The following BTN3A2 variants were observed in gnomAD, a reference collection of about 807,000 sequenced individuals.
BTN3A2 encodes butyrophilin protein.
In BTN3A2, 25 loss-of-function variants were observed where a neutral mutation model predicts 37.6. The ratio of observed to expected loss-of-function variants is 0.66; its 90% CI spans 0.48 to 0.93. The LOEUF is 0.93. Ranked by LOEUF, BTN3A2 falls within the 40% of genes least tolerant of loss-of-function variation. The pLI is 0.00. For missense variants in BTN3A2, 266 were observed against 410.9 expected (o/e 0.65, Z 3.05); for synonymous variants, 122 against 159.4 (o/e 0.77, Z 1.77).
Position 26,368,248 on chromosome 6 carries a change from G to A in BTN3A2, c.66G>A (p.Gln22=). The A allele has an allele frequency of 3.1e-6, 5 of 1,614,182 alleles. No individual in the cohort carries two copies. The highest frequency in any genetic ancestry group is 4.2e-6 in the Non-Finnish European group (5 of 1,180,038). ...TTCATGTCTCCCTCCTCTTGGTCCA[G>A]CTGCTCACTCCTTGCTCAGGTAGGG... ...LNFHVSLLLV[Q]LLTPCSAQFS... is the part of the protein sequence containing the mutation. Residue 22 remains glutamine (Q), a synonymous_variant, in exon 3 of 11, where the codon CAG becomes CAA. Transcript: ENST00000377708.
chr6:26,367,287 A>G (rs900994168), intron 1 of BTN3A2, among the ~76,000 whole-genome samples: 11 of 152,152 alleles, frequency 7.2e-5, no homozygotes, highest in Non-Finnish European at 1.3e-4. Flanking sequence ...CCACTTTTAT[A>G]CTTTAAAAAT....
chr6:26,369,611 C>A (rs1461026438), intron 4 of BTN3A2, among the ~76,000 whole-genome samples: 4 of 152,092 alleles, frequency 2.6e-5, no homozygotes, highest in African/African-American at 4.8e-5. Context: ...CAGGGTGAGA[C>A]AAAAGCTGTA....
chr6:26,373,482 C>G, intron 8 of BTN3A2, 69 bp downstream of exon 8: 1 of 1,547,448 alleles, frequency 6.5e-7, no homozygotes, highest in Admixed American at 2.0e-5. Context: ...ATTTTCCAGC[C>G]CATAAGTCAT....
chr6:26,375,561 C>T (rs1760637106), intron 10 of BTN3A2: 4 of 1,387,924 alleles, frequency 2.9e-6, no homozygotes, highest in African/African-American at 1.5e-5. Context: ...GACAAGGGAG[C>T]CCAGTGGCAC....
At chr6:26,370,274 C>T (rs759276772) in intron 4 of BTN3A2, 48 bp from the exon 5 acceptor site, 37 of 1,591,950 alleles carry the variant, frequency 2.3e-5, no homozygotes, top group Non-Finnish European at 2.8e-5. Flanking sequence ...TGAGACCCTC[C>T]CTAATACAGG....
In BTN3A2 at chr6:26,376,352, A is replaced by T. The variant is rs552010050; in HGVS notation, c.*590A>T. On this transcript the variant is annotated 3_prime_UTR_variant, in exon 11 of 11. Coordinates refer to ENST00000377708, the MANE Select transcript of BTN3A2 (RefSeq NM_007047.5). ...TTGCTTCTTGGGGCCGCATCAGGGTATTGGGTTAGGCAGATACTGACCTTA... is the reference window on the plus strand; with the variant it reads ...TTGCTTCTTGGGGCCGCATCAGGGTTTTGGGTTAGGCAGATACTGACCTTA... 6.0e-5 allele frequency: 16 copies of T among 267,154 alleles called. No homozygotes were observed. The East Asian group carries it at 1.3e-3, about 22-fold the overall frequency. 16.5% of individuals were successfully genotyped at this position (267,154 alleles called of 1,614,324 possible).
intron 8 of BTN3A2, chr6:26,374,046 C>G (rs9358937): frequency 0.098 from 37,974 of 386,398 alleles, 2,330 homozygotes; most frequent in Non-Finnish European, 0.12. Context: ...CCCAGGTACA[C>G]ATTCAAAACA....
At position 26,370,408 on chromosome 6, in the gene BTN3A2, C is replaced by T; in HGVS notation, c.520C>T (p.Gln174Ter). ...GTGCAGGTCCACCGGCTGGTACCCC[C>T]AACCCCAAATACAGTGGAGCAACGC... Reference protein sequence around the residue: ...LECRSTGWYPQPQIQWSNAKG... With the variant: ...LECRSTGWYP The change falls in exon 5 of 11, where the codon CAA (glutamine) becomes TAA (stop). Residue 174 changes from glutamine to a stop codon, truncating the protein, a stop_gained. Coordinates refer to ENST00000377708, the MANE Select transcript of BTN3A2 (RefSeq NM_007047.5). LOFTEE classifies it high-confidence loss of function. 6.2e-7 allele frequency: 1 copy of T among 1,614,176 alleles called. No homozygotes were observed. The highest frequency in any genetic ancestry group is 8.5e-7 in the Non-Finnish European group (1 of 1,180,034).
intron 1 of BTN3A2, among the ~76,000 whole-genome samples, chr6:26,366,859 T>C (rs1291856535): frequency 6.6e-6 from 1 of 152,236 alleles, no homozygotes; most frequent in Admixed American, 6.5e-5. Flanking sequence ...GAGGAGTTAG[T>C]ATTTACTGAG....
At position 26,365,200 on chromosome 6, in the gene BTN3A2, C is replaced by A; in HGVS notation, c.-219C>A. On this transcript the variant is annotated 5_prime_UTR_variant, in exon 1 of 11. Coordinates refer to ENST00000377708, the MANE Select transcript of BTN3A2 (RefSeq NM_007047.5). ...AAAAACTAATTCTTCCAAAGAGCGACTCTTACTGTTTCTCATGGTGAGAAG... is the reference window on the plus strand; with the variant it reads ...AAAAACTAATTCTTCCAAAGAGCGAATCTTACTGTTTCTCATGGTGAGAAG... The A allele has an allele frequency of 8.9e-7, 1 of 1,119,578 alleles. No homozygotes were observed. The highest frequency in any genetic ancestry group is 1.3e-6 in the Non-Finnish European group (1 of 789,656). 69.4% of individuals were successfully genotyped at this position (1,119,578 alleles called of 1,614,324 possible).
At position 26,365,347 on chromosome 6, in the gene BTN3A2, C is replaced by G. The variant is rs1168660271; in HGVS notation, c.-72C>G. ...GGCTCTGATTCTCCAATGGGAATAC[C>G]AAGGGGTAAGTGCAGGAAATTGATT... On this transcript the variant is annotated 5_prime_UTR_variant, in exon 1 of 11. Coordinates refer to ENST00000377708, the MANE Select transcript of BTN3A2 (RefSeq NM_007047.5). 2 of 1,535,854 alleles carry G rather than the reference C, an allele frequency of 1.3e-6. No individual in the cohort carries two copies. The highest frequency in any genetic ancestry group is 8.7e-7 in the Non-Finnish European group (1 of 1,146,724).
intron 8 of BTN3A2, 173 bp downstream of exon 8, chr6:26,373,586 T>TC: frequency 5.7e-6 from 1 of 174,172 alleles, no homozygotes; most frequent in Non-Finnish European, 1.0e-5. Flanking sequence ...TTTTTCTCTC[T>TC]AGAAAAAAAA....
In BTN3A2 at chr6:26,375,943, A is replaced by G. The variant is rs1760675775; in HGVS notation, c.*181A>G. ...CCTCTGAGGGCCAGCACAGCAGCTC[A>G]TGCCTGTAATCCTAGCACTTTGGAA... On this transcript the variant is annotated 3_prime_UTR_variant, in exon 11 of 11. Transcript: ENST00000377708. The G allele has an allele frequency of 7.6e-6, 10 of 1,320,744 alleles. No individual in the cohort carries two copies. Among genetic ancestry groups the G allele is most frequent in the Non-Finnish European group, 1.1e-5 (10 of 951,374 alleles). 81.8% of individuals were successfully genotyped at this position (1,320,744 alleles called of 1,614,324 possible).
At chr6:26,371,450 C>T (rs1195051039) in intron 5 of BTN3A2, among the ~76,000 whole-genome samples, 1 of 152,168 alleles carries the variant, frequency 6.6e-6, no homozygotes, top group Non-Finnish European at 1.5e-5. Flanking sequence ...GCTTATAATA[C>T]ATGATTCTCA....
In BTN3A2 at chr6:26,377,084, C is replaced by G. The variant is rs1053089637; in HGVS notation, c.*1322C>G. The G allele has an allele frequency of 2.2e-6, 3 of 1,351,964 alleles. No individual in the cohort carries two copies. Among genetic ancestry groups the G allele is most frequent in the Non-Finnish European group, 3.2e-6 (3 of 942,720 alleles). The allele number at this position is 1,351,964 out of a possible 1,614,324, so 83.7% of individuals were successfully genotyped here. ...TGACCTTGGAGCCCACTGCCCTGAC[C>G]GTTTGCCCAATACCAAAAGTAGAGA... is the stretch of plus-strand genomic sequence containing the variant. On this transcript the variant is annotated 3_prime_UTR_variant, in exon 11 of 11. Coordinates refer to ENST00000377708, the MANE Select transcript of BTN3A2 (RefSeq NM_007047.5).
intron 1 of BTN3A2, 96 bp from the exon 2 acceptor site, chr6:26,367,894 G>A (rs989877026): frequency 4.5e-6 from 2 of 448,932 alleles, no homozygotes; most frequent in African/African-American, 4.0e-5. Context: ...CCTGGCAAGG[G>A]AAGTGTGGGG....
Position 26,376,763 on chromosome 6 carries a change from C to A in BTN3A2, c.*1001C>A, listed in dbSNP as rs995043033. 1.9e-5 allele frequency: 30 copies of A among 1,608,202 alleles called. No individual in the cohort carries two copies. The highest frequency in any genetic ancestry group is 2.6e-5 in the Non-Finnish European group (30 of 1,175,018). Reference sequence around the variant, plus strand: ...ACTACTGGGAGGTGGAAGTGGGGGACAGAAAAGAGTGGCATATTGGGGTAT... The same window carrying A: ...ACTACTGGGAGGTGGAAGTGGGGGAAAGAAAAGAGTGGCATATTGGGGTAT... On this transcript the variant is annotated 3_prime_UTR_variant, in exon 11 of 11. Coordinates refer to ENST00000377708, the MANE Select transcript of BTN3A2 (RefSeq NM_007047.5).
At chr6:26,374,603 AT>A in intron 9 of BTN3A2, 167 bp from the exon 10 acceptor site, 1 of 916,558 alleles carries the variant, frequency 1.1e-6, no homozygotes, top group Non-Finnish European at 1.7e-6. Flanking sequence ...CAAGCCTGAC[AT>A]TTTTGAGAAG....
chr6:26,377,677 T>G lies in BTN3A2; in HGVS notation c.*1915T>G, dbSNP rs879031410. The G allele has an allele frequency of 2.8e-5, 5 of 175,650 alleles. No individual in the cohort carries two copies. The South Asian group carries it at 3.7e-4, about 13-fold the overall frequency. The allele number at this position is 175,650 out of a possible 1,614,324, so 10.9% of individuals were successfully genotyped here. On this transcript the variant is annotated 3_prime_UTR_variant, in exon 11 of 11. Coordinates refer to ENST00000377708, the MANE Select transcript of BTN3A2 (RefSeq NM_007047.5). ...CTTCAGTCCCTGGCCAATTGCCCGT[T>G]CTTTTCCAGCCTGATTTTTCCTGCA...
Sources: allele counts gnomAD v4.1 joint callset (sites outside exome capture counted in the v4.1 genomes callset), GRCh38; gene constraint gnomAD v4.1.1; transcripts MANE v1.5; gene names NCBI Gene and HGNC (gene_info 2026-07-23, HGNC 2026-07-21).